WDR44: variants seen among roughly 807,000 people sequenced by gnomAD.
WDR44 encodes WD repeat domain 44.
A neutral mutation model predicts 65.7 loss-of-function variants in WDR44; 9 were observed. That is an observed-to-expected ratio of 0.14 (90% CI 0.08 to 0.24). The LOEUF (loss-of-function observed/expected upper bound fraction) is 0.24, where lower values mean the gene tolerates loss of function less well. WDR44 is among the 10% of genes least tolerant of loss of function. The pLI is 1.00. For missense variants in WDR44, 425 were observed against 670.9 expected (o/e 0.63, Z 4.05); for synonymous variants, 220 against 235.2 (o/e 0.94, Z 0.59).
chrX:118,430,194 G>GT (rs201065574), intron 12 of WDR44, among the ~76,000 whole-genome samples: 26,192 of 97,318 alleles, frequency 0.27, 3,037 homozygotes, highest in African/African-American at 0.39. Flanking sequence ...TAATTTTTCT[G>GT]TTTTTTTTTT....
At chrX:118,387,740 C>T (rs1464913855) in intron 3 of WDR44, among the ~76,000 whole-genome samples, 1 of 111,712 alleles carries the variant, frequency 9.0e-6, no homozygotes, top group Non-Finnish European at 1.9e-5. Context: ...AGTGCAGCAA[C>T]ATTCTGATGT....
rs919289828 is a variant in WDR44, at chrX:118,449,679, G to A, written c.*692G>A. ...TCTTTATCCATGAGCACCAGGCTTT[G>A]CTCACTTAAAAAAAAATTAAGCCAC... On this transcript the variant is annotated 3_prime_UTR_variant, in exon 20 of 20. Coordinates refer to ENST00000254029, the MANE Select transcript of WDR44 (RefSeq NM_019045.5). The A allele has an allele frequency of 2.7e-4, 30 of 109,877 alleles. No homozygotes were observed. Among genetic ancestry groups the A allele is most frequent in the African/African-American group, 8.9e-4 (27 of 30,178 alleles). The allele number at this position is 109,877 out of a possible 1,213,427, so 9.1% of individuals were successfully genotyped here.
intron 14 of WDR44, among the ~76,000 whole-genome samples, chrX:118,437,691 T>G (rs2057264929): frequency 1.8e-5 from 2 of 112,006 alleles, no homozygotes; most frequent in African/African-American, 6.5e-5. Context: ...CAATATACTT[T>G]CCTTCCCTGA....
At chrX:118,361,120 G>GT (rs1365729999) in intron 1 of WDR44, among the ~76,000 whole-genome samples, 1 of 111,915 alleles carries the variant, frequency 8.9e-6, no homozygotes, top group Non-Finnish European at 1.9e-5. Context: ...TTTTCCTTGA[G>GT]TATAAAGAAA....
intron 1 of WDR44, among the ~76,000 whole-genome samples, chrX:118,367,214 ATAT>A (rs1175838918): frequency 6.2e-5 from 7 of 112,207 alleles, no homozygotes; most frequent in Non-Finnish European, 1.1e-4. Flanking sequence ...TGGGTTTATA[ATAT>A]TATTCTCCCA....
At chrX:118,414,622 A>G (rs1296595421) in intron 12 of WDR44, among the ~76,000 whole-genome samples, 1 of 111,288 alleles carries the variant, frequency 9.0e-6, no homozygotes, top group Non-Finnish European at 1.9e-5. Flanking sequence ...ATTCCTAAGT[A>G]TTTTATTTTT....
chrX:118,404,133 GA>G (rs1218830522), intron 8 of WDR44, among the ~76,000 whole-genome samples: 1 of 112,169 alleles, frequency 8.9e-6, no homozygotes, highest in African/African-American at 3.2e-5. Flanking sequence ...TAAATTGGGG[GA>G]AAGGGTGTAT....
intron 17 of WDR44, among the ~76,000 whole-genome samples, chrX:118,443,203 T>C (rs906759336): frequency 8.9e-6 from 1 of 112,344 alleles, no homozygotes; most frequent in African/African-American, 3.2e-5. Context: ...TTTTCTTCTT[T>C]CTAGCCCTCT....
At chrX:118,367,617 A>G (rs2056565503) in intron 1 of WDR44, among the ~76,000 whole-genome samples, 1 of 111,806 alleles carries the variant, frequency 8.9e-6, no homozygotes, top group Non-Finnish European at 1.9e-5. Context: ...AGTCTTCACT[A>G]GGCCTTAGCA....
Position 118,386,389 on chromosome X carries a change from T to G in WDR44, c.112-951T>G, listed in dbSNP as rs1268288953. 8.3e-6 allele frequency: 3 copies of G among 363,020 alleles called. No individual in the cohort carries two copies. In the East Asian group the frequency reaches 2.4e-4, roughly 29 times the overall value. The allele number at this position is 363,020 out of a possible 1,213,427, so 29.9% of individuals were successfully genotyped here. On this transcript the variant is annotated intron_variant, in intron 2 of 19. Transcript: ENST00000254029. ...TTTCCAGCAGAAATGCAGTATCCAT[T>G]TCTAACCTCCCAAATATATATATAT... is the stretch of plus-strand genomic sequence containing the variant.
At chrX:118,423,965 G>T (rs754760266) in intron 12 of WDR44, among the ~76,000 whole-genome samples, 9 of 111,245 alleles carry the variant, frequency 8.1e-5, no homozygotes, top group African/African-American at 2.9e-4. Context: ...ATTCTGTTGT[G>T]TGTATATGCC....
At chrX:118,353,082 C>A (rs186128424) in intron 1 of WDR44, among the ~76,000 whole-genome samples, 29 of 112,196 alleles carry the variant, frequency 2.6e-4, no homozygotes, top group South Asian at 7.4e-4. Context: ...TCATTTCTAT[C>A]CATAGTTAGG....
At chrX:118,418,756 A>G (rs1459958368) in intron 12 of WDR44, among the ~76,000 whole-genome samples, 1 of 110,903 alleles carries the variant, frequency 9.0e-6, no homozygotes, top group Non-Finnish European at 1.9e-5. Flanking sequence ...TCAAGAGTAT[A>G]TGCCCTTTGT....
At chrX:118,355,577 CA>C (rs2056451634) in intron 1 of WDR44, among the ~76,000 whole-genome samples, 1 of 112,112 alleles carries the variant, frequency 8.9e-6, no homozygotes, top group African/African-American at 3.2e-5. Flanking sequence ...TGATTGAGAT[CA>C]GTCCTTTTTC....
At chrX:118,346,761 G>A (rs1042612835) in intron 1 of WDR44, among the ~76,000 whole-genome samples, 181 bp downstream of exon 1, 2 of 110,872 alleles carry the variant, frequency 1.8e-5, no homozygotes, top group Non-Finnish European at 3.8e-5. Context: ...CGGAGAAGGG[G>A]GAGTCAGCCA....
At chrX:118,430,277 C>T (rs2057197730) in intron 12 of WDR44, among the ~76,000 whole-genome samples, 1 of 108,607 alleles carries the variant, frequency 9.2e-6, no homozygotes, top group South Asian at 4.0e-4. Flanking sequence ...GGTGTGGTGG[C>T]TCACACCTGT....
At chrX:118,404,825 C>T (rs974338027) in intron 9 of WDR44, among the ~76,000 whole-genome samples, 1 of 110,577 alleles carries the variant, frequency 9.0e-6, no homozygotes, top group East Asian at 2.9e-4. Context: ...CTCAGCCTCC[C>T]GAGTAGCTGG....
intron 1 of WDR44, among the ~76,000 whole-genome samples, chrX:118,363,430 G>GA (rs1325905766): frequency 9.5e-6 from 1 of 105,056 alleles, no homozygotes; most frequent in South Asian, 4.1e-4. Flanking sequence ...GGAGAAAAAA[G>GA]AAAAAAATAG....
chrX:118,439,066 G>A (rs1018810743), intron 14 of WDR44, among the ~76,000 whole-genome samples: 110 of 108,261 alleles, frequency 1.0e-3, no homozygotes, highest in Non-Finnish European at 1.8e-3. Flanking sequence ...AATTACAGAC[G>A]TGAGCCACTG....
Sources: gnomAD v4.1 joint callset for allele counts (sites outside exome capture counted in the v4.1 genomes callset) on GRCh38, gnomAD v4.1.1 for gene constraint, MANE v1.5 for transcripts, NCBI Gene and HGNC (gene_info 2026-07-23, HGNC 2026-07-21) for gene names.